SNCAIP: variants seen among roughly 807,000 people sequenced by gnomAD.
SNCAIP encodes the protein synphilin-1.
Under a neutral mutation model 86.7 loss-of-function variants are expected in SNCAIP, and 43 were observed. The observed-to-expected ratio is 0.50, with a 90% confidence interval of 0.39 to 0.64. SNCAIP has a LOEUF of 0.64. Among genes scored for constraint, SNCAIP ranks in the 30% least tolerant of loss-of-function variants. The pLI is 0.00. For synonymous variants in SNCAIP, 417 were observed against 427.2 expected (o/e 0.98, Z 0.29); for missense variants, 981 against 1,103.1 (o/e 0.89, Z 1.57).
intron 6 of SNCAIP, among the ~76,000 whole-genome samples, chr5:122,439,656 GA>G (rs535555317): frequency 2.1e-4 from 32 of 150,838 alleles, no homozygotes; most frequent in Non-Finnish European, 4.6e-4. Context: ...CAAACAACTG[GA>G]AAAAAAAATC....
intron 1 of SNCAIP, among the ~76,000 whole-genome samples, chr5:122,325,617 G>T (rs1213321442): frequency 6.6e-6 from 1 of 152,126 alleles, no homozygotes; most frequent in Admixed American, 6.5e-5. Context: ...TTTCTTTGGG[G>T]AACCTGACTG....
At chr5:122,349,371 G>A (rs1460984246) in intron 1 of SNCAIP, among the ~76,000 whole-genome samples, 4 of 152,078 alleles carry the variant, frequency 2.6e-5, no homozygotes, top group Non-Finnish European at 5.9e-5. Context: ...CTTCCCAGGA[G>A]ATTCTAATGA....
intron 5 of SNCAIP, among the ~76,000 whole-genome samples, chr5:122,429,821 T>C (rs1778051732): frequency 6.6e-6 from 1 of 152,070 alleles, no homozygotes; most frequent in Non-Finnish European, 1.5e-5. Flanking sequence ...TCCCCAAAGC[T>C]GGGAAAGGGA....
chr5:122,315,605 T>A (rs1751540903), intron 1 of SNCAIP, among the ~76,000 whole-genome samples: 2 of 152,164 alleles, frequency 1.3e-5, no homozygotes, highest in South Asian at 4.1e-4. Context: ...GAAAATAATA[T>A]GTTAGGAGAG....
At chr5:122,335,713 A>G (rs1353476331) in intron 1 of SNCAIP, among the ~76,000 whole-genome samples, 1 of 152,202 alleles carries the variant, frequency 6.6e-6, no homozygotes, top group East Asian at 1.9e-4. Flanking sequence ...CAGCCAACCC[A>G]TGGAGAGCTC....
At chr5:122,361,490 A>G (rs931193777) in intron 1 of SNCAIP, among the ~76,000 whole-genome samples, 2 of 152,204 alleles carry the variant, frequency 1.3e-5, no homozygotes, top group Non-Finnish European at 2.9e-5. Context: ...CAAGGTTCCA[A>G]ACATGTTGAT....
rs1001761521 is a variant in SNCAIP, at chr5:122,380,969, T to C, written c.-46-10120T>C. Among the ~76,000 whole-genome samples, 7 of 146,808 alleles carry C rather than the reference T, an allele frequency of 4.8e-5. 1 individual carries two copies. Among genetic ancestry groups the C allele is most frequent in the African/African-American group, 2.6e-5 (1 of 37,898 alleles). On this transcript the variant is annotated intron_variant, in intron 1 of 10. Transcript: ENST00000261368. The stretch of plus-strand genomic sequence containing the variant: ...GAGAGCTTTACTTCCAAGTATGTGG[T>C]CAATTTTGGAATAGGTGTGTTGTGG...
intron 1 of SNCAIP, among the ~76,000 whole-genome samples, chr5:122,382,371 G>T (rs1224473201): frequency 1.3e-5 from 2 of 152,020 alleles, no homozygotes; most frequent in Non-Finnish European, 2.9e-5. Flanking sequence ...CGTAATTCTC[G>T]AGCCTTGGTT....
chr5:122,420,575 G>GA (rs138964915), intron 3 of SNCAIP, among the ~76,000 whole-genome samples: 1 of 147,186 alleles, frequency 6.8e-6, no homozygotes, highest in African/African-American at 2.5e-5. Flanking sequence ...ATGTCTATGA[G>GA]TATATATATA....
intron 1 of SNCAIP, among the ~76,000 whole-genome samples, chr5:122,332,430 T>A (rs1755554149): frequency 6.6e-6 from 1 of 152,216 alleles, no homozygotes; most frequent in Non-Finnish European, 1.5e-5. Context: ...CCCCAGAGCA[T>A]ATACCTTGAA....
chr5:122,372,832 T>G (rs2152796861), intron 1 of SNCAIP, among the ~76,000 whole-genome samples: 1 of 152,154 alleles, frequency 6.6e-6, no homozygotes, highest in East Asian at 1.9e-4. Flanking sequence ...TCTTCCTTCC[T>G]TCTTTATAAC....
At chr5:122,443,714 T>G (rs1297143182) in intron 7 of SNCAIP, 4 of 453,920 alleles carry the variant, frequency 8.8e-6, no homozygotes, top group Admixed American at 2.4e-5. Flanking sequence ...CGGTATCTCT[T>G]TGCTTAACTG....
intron 1 of SNCAIP, among the ~76,000 whole-genome samples, chr5:122,359,765 TTA>T (rs1561577303): frequency 6.6e-6 from 1 of 152,222 alleles, no homozygotes. Context: ...TAATAATACA[TTA>T]TGAGAGAAAT....
intron 10 of SNCAIP, 138 bp from the exon 11 acceptor site, chr5:122,463,353 G>A (rs1412286370): frequency 1.5e-5 from 10 of 656,896 alleles, no homozygotes; most frequent in Non-Finnish European, 2.5e-5. Context: ...AGAATAATTT[G>A]CGTATTGGAA....
intron 1 of SNCAIP, among the ~76,000 whole-genome samples, chr5:122,378,851 G>A (rs113723086): frequency 6.9e-6 from 1 of 145,862 alleles, no homozygotes; most frequent in Non-Finnish European, 1.5e-5. Flanking sequence ...GATAGTTGTA[G>A]ATAAGTGGCG....
At chr5:122,446,143 A>G (rs1453284519) in intron 8 of SNCAIP, among the ~76,000 whole-genome samples, 1 of 152,176 alleles carries the variant, frequency 6.6e-6, no homozygotes, top group Non-Finnish European at 1.5e-5. Flanking sequence ...GTCTCCCCAC[A>G]GTGAACACAC....
At chr5:122,410,364 G>A (rs1311900411) in intron 3 of SNCAIP, among the ~76,000 whole-genome samples, 3 of 152,128 alleles carry the variant, frequency 2.0e-5, no homozygotes, top group Non-Finnish European at 2.9e-5. Flanking sequence ...CATGAAAGCC[G>A]AGCTGCCCCC....
intron 1 of SNCAIP, among the ~76,000 whole-genome samples, chr5:122,383,239 C>G (rs1224950095): frequency 1.3e-5 from 2 of 152,202 alleles, no homozygotes; most frequent in Admixed American, 6.5e-5. Flanking sequence ...GATATAATCT[C>G]GTGATGCGCC....
At chr5:122,353,455 A>G (rs1760307827) in intron 1 of SNCAIP, among the ~76,000 whole-genome samples, 1 of 151,170 alleles carries the variant, frequency 6.6e-6, no homozygotes, top group East Asian at 1.9e-4. Flanking sequence ...AAAAAAAAAA[A>G]GACAACTGCT....
Sources: allele counts gnomAD v4.1 joint callset (sites outside exome capture counted in the v4.1 genomes callset), GRCh38; gene constraint gnomAD v4.1.1; transcripts MANE v1.5; gene names NCBI Gene and HGNC (gene_info 2026-07-23, HGNC 2026-07-21).